Variants in SKOR1 observed in about 807,000 individuals in gnomAD.
SKOR1 encodes the protein SKI family transcriptional corepressor 1.
In SKOR1, 38 loss-of-function variants were observed where a neutral mutation model predicts 72.4. The observed-to-expected ratio is 0.52, with a 90% CI of 0.40 to 0.69. The LOEUF is 0.69. Among genes scored for constraint, SKOR1 ranks in the 30% least tolerant of loss-of-function variants. The pLI, the probability that SKOR1 is intolerant of heterozygous loss-of-function variation, is 0.00. For missense variants in SKOR1, 1,320 were observed against 1,343.2 expected, an observed-to-expected ratio of 0.98 and a Z score of 0.27; for synonymous variants, 642 against 599.4, an observed-to-expected ratio of 1.07 and a Z score of -1.04.
chr15:67,828,251 G>C, intron 2 of SKOR1, 107 bp downstream of exon 2: 1 of 1,351,048 alleles, frequency 7.4e-7, no homozygotes, highest in Non-Finnish European at 9.4e-7. Flanking sequence ...GCAGGCGTGG[G>C]AGCAGCAGGC....
chr15:67,833,913 C>A lies in SKOR1; in HGVS notation c.*77C>A. 3 of 1,479,606 alleles carry A rather than the reference C, an allele frequency of 2.0e-6. No individual in the cohort carries two copies. The highest frequency in any genetic ancestry group is 1.1e-5 in the South Asian group (1 of 88,546). The allele number at this position is 1,479,606 out of a possible 1,614,324, so 91.7% of individuals were successfully genotyped here. ...TACCCGCTGCTGCGGTGGCCCTGAG[C>A]GAGGAACAAGCCATTCGGACCCGAC... On this transcript the variant is annotated 3_prime_UTR_variant, in exon 9 of 9. Transcript: ENST00000380035. This position sits in a 1 kb window ranked among gnomAD's most constrained non-coding sequence, Gnocchi z 6.0.
intron 2 of SKOR1, 64 bp from the exon 3 acceptor site, chr15:67,829,115 C>A: frequency 7.0e-7 from 1 of 1,423,188 alleles, no homozygotes; most frequent in Non-Finnish European, 9.4e-7. Context: ...CGGGGTAGGG[C>A]TGGGCGTCTT....
In SKOR1 at chr15:67,832,185, C is replaced by T; in HGVS notation, c.2588-89C>T. 1 of 1,213,488 alleles carries T rather than the reference C, an allele frequency of 8.2e-7. No homozygotes were observed. Among genetic ancestry groups the T allele is most frequent in the African/African-American group, 1.5e-5 (1 of 67,194 alleles). The allele number at this position is 1,213,488 out of a possible 1,614,324, so 75.2% of individuals were successfully genotyped here. A position where few individuals can be genotyped will look rare whatever the true frequency, so the allele number is the denominator to read the frequency against. ...CTACTGGTCATCCTTCTCAACTCTC[C>T]TTTCAGGGTTGTTGGCCAAGGCAGA... On this transcript the variant is annotated intron_variant, in intron 5 of 8. Coordinates refer to ENST00000380035, the MANE Select transcript of SKOR1 (RefSeq NM_001365915.1). This position sits in a 1 kb window ranked among gnomAD's most constrained non-coding sequence, Gnocchi z 4.5.
Position 67,825,761 on chromosome 15 carries a change from C to T in SKOR1, c.107+52C>T. ...AAGCCCCGGGGGCTGTTGTTAACGG[C>T]GCCAACATGGGTCTGAGTAACAAAA... On this transcript the variant is annotated intron_variant, in intron 1 of 8. Coordinates refer to ENST00000380035, the MANE Select transcript of SKOR1 (RefSeq NM_001365915.1). This position sits in a 1 kb window ranked among gnomAD's most constrained non-coding sequence, Gnocchi z 5.6. 1 of 1,193,796 alleles carries T rather than the reference C, an allele frequency of 8.4e-7. No homozygotes were observed. Among genetic ancestry groups the T allele is most frequent in the Non-Finnish European group, 1.2e-6 (1 of 818,236 alleles). The allele number at this position is 1,193,796 out of a possible 1,614,324, so 74.0% of individuals were successfully genotyped here.
rs2090964217 is a variant in SKOR1 at position 67,826,947 on chromosome 15, G to C, written c.1119G>C (p.Pro373=). 2 of 1,590,084 alleles carry C rather than the reference G, an allele frequency of 1.3e-6. No individual in the cohort carries two copies. Among genetic ancestry groups the C allele is most frequent in the Non-Finnish European group, 1.7e-6 (2 of 1,176,532 alleles). Residue 373 remains proline (P), a synonymous_variant, in exon 2 of 9, where the codon CCG becomes CCC. Transcript: ENST00000380035. ...PGGGAGVRSY[P]VIPVPSKGFG... is the part of the protein sequence containing the mutation. ...GCGGCGCCGGCGTACGAAGCTACCC[G>C]GTGATCCCGGTGCCCAGCAAAGGCT...
At position 67,826,516 on chromosome 15, in the gene SKOR1, C is replaced by A. The variant is rs943520575; in HGVS notation, c.688C>A (p.Pro230Thr). 2 of 1,613,836 alleles carry A rather than the reference C, an allele frequency of 1.2e-6. No homozygotes were observed. Among genetic ancestry groups the A allele is most frequent in the Non-Finnish European group, 1.7e-6 (2 of 1,179,752 alleles). Residue 230 changes from proline to threonine, a missense_variant, in exon 2 of 9, where the codon CCC (proline) becomes ACC (threonine). Pro to Thr is a conservative substitution (Grantham distance 38). Around this residue, in one of 3 missense-constraint regions of SKOR1, gnomAD observed 101 missense variants for 212.8 expected, o/e 0.47. Coordinates refer to ENST00000380035, the MANE Select transcript of SKOR1 (RefSeq NM_001365915.1). ...GTTCATCTTCCACTCGCACCGAACA[C>A]CCGACGCCAAGTACACGCAGCCCGA... is the stretch of plus-strand genomic sequence containing the variant. ...NKFIFHSHRTPDAKYTQPDAA... is the reference protein window; with the variant it reads ...NKFIFHSHRTTDAKYTQPDAA...
chr15:67,827,095 C>T lies in SKOR1; in HGVS notation c.1267C>T (p.Pro423Ser), dbSNP rs370367071. 8 of 1,471,412 alleles carry T rather than the reference C, an allele frequency of 5.4e-6. No individual in the cohort carries two copies. Among genetic ancestry groups the T allele is most frequent in the East Asian group, 2.6e-5 (1 of 38,086 alleles). The allele number at this position is 1,471,412 out of a possible 1,614,324, so 91.1% of individuals were successfully genotyped here. Residue 423 changes from proline to serine, a missense_variant, in exon 2 of 9, where the codon CCT becomes TCT. Physicochemically the swap from Pro to Ser is moderately conservative, Grantham distance 74. This residue lies in a region of SKOR1 where 1,099 missense variants were observed against 1,025.5 expected (regional missense o/e 1.07). Coordinates refer to ENST00000380035, the MANE Select transcript of SKOR1 (RefSeq NM_001365915.1). ...AGGCGCGGGCGAGCCAAAGGGCGGT[C>T]CTGGCACTGGGAGCGGCGGCGGCGG... ...VLGAGEPKGG[P>S]GTGSGGGGAG...
Position 67,827,911 on chromosome 15 carries a change from A to G in SKOR1, c.2083A>G (p.Thr695Ala), listed in dbSNP as rs1216302404. The G allele has an allele frequency of 5.0e-6, 8 of 1,595,074 alleles. No individual in the cohort carries two copies. In the African/African-American group the frequency reaches 8.0e-5, roughly 16 times the overall value. ...GGGCGGCCCAGACGGTGAACAGCCC[A>G]CTGGACCCCCTTCCGCCACCTCCTC... ...AGGGPDGEQP[T>A]GPPSATSSGA... The change falls in exon 2 of 9, where the codon ACT (threonine) becomes GCT (alanine). Residue 695 changes from threonine (T) to alanine (A), a missense_variant. Thr to Ala is a moderately conservative substitution (Grantham distance 58, BLOSUM62 0). Coordinates refer to ENST00000380035, the MANE Select transcript of SKOR1 (RefSeq NM_001365915.1).
At position 67,832,530 on chromosome 15, in the gene SKOR1, G is replaced by A. The variant is rs535167086; in HGVS notation, c.2663-77G>A. 1.0e-4 allele frequency: 143 copies of A among 1,413,436 alleles called. No homozygotes were observed. The highest frequency in any genetic ancestry group is 4.3e-4 in the Admixed American group (25 of 58,134). The allele number at this position is 1,413,436 out of a possible 1,614,324, so 87.6% of individuals were successfully genotyped here. A position where few individuals can be genotyped will look rare whatever the true frequency, so the allele number is the denominator to read the frequency against. The stretch of plus-strand genomic sequence containing the variant: ...GTGGGAGTTGGGGGTAGGGGTGAAA[G>A]GGGGGGCCAGGAGTGAGAAAGTGGA... On this transcript the variant is annotated intron_variant, in intron 6 of 8. Transcript: ENST00000380035. The surrounding 1 kb of genome is among the most constrained non-coding windows in gnomAD (Gnocchi z 4.5).
intron 2 of SKOR1, 133 bp from the exon 3 acceptor site, chr15:67,829,046 C>G: frequency 1.3e-6 from 1 of 748,382 alleles, no homozygotes; most frequent in Non-Finnish European, 2.1e-6. Context: ...TCACTGTGCC[C>G]GCTCAAGTCC....
At position 67,827,409 on chromosome 15, in the gene SKOR1, T is replaced by C. The variant is rs1176565801; in HGVS notation, c.1581T>C (p.Ala527=). The C allele has an allele frequency of 3.9e-6, 6 of 1,527,250 alleles. No homozygotes were observed. Among genetic ancestry groups the C allele is most frequent in the Non-Finnish European group, 5.2e-6 (6 of 1,144,470 alleles). 94.6% of individuals were successfully genotyped at this position (1,527,250 alleles called of 1,614,324 possible). ...CGGCAGCGGCGGCGGCAGCGGCAGC[T>C]GCTGGCAGCGGTGCCCCAGAGCCCC... ...VAAAAAAAAA[A]AGSGAPEPLD... Residue 527 remains alanine (A), a synonymous_variant, in exon 2 of 9, where the codon GCT becomes GCC. Transcript: ENST00000380035.
rs984129917 is a variant in SKOR1 at position 67,827,573 on chromosome 15, C to T, written c.1745C>T (p.Pro582Leu). ...CCCCTGGCCCCGTTGCCCCCGCCGCCCCCGCCGCCCGCACGCAAAGGCTCC... is the reference window on the plus strand; with the variant it reads ...CCCCTGGCCCCGTTGCCCCCGCCGCTCCCGCCGCCCGCACGCAAAGGCTCC... ...PPPLAPLPPP[P>L]PPPARKGSYV... Residue 582 changes from proline to leucine, a missense_variant, in exon 2 of 9, where the codon CCC (proline) becomes CTC (leucine). This residue lies in a region of SKOR1 where 1,099 missense variants were observed against 1,025.5 expected (regional missense o/e 1.07). Transcript: ENST00000380035. 1.3e-6 allele frequency: 2 copies of T among 1,520,700 alleles called. No homozygotes were observed. The highest frequency in any genetic ancestry group is 1.4e-5 in the African/African-American group (1 of 71,170). The allele number at this position is 1,520,700 out of a possible 1,614,324, so 94.2% of individuals were successfully genotyped here. A position where few individuals can be genotyped will look rare whatever the true frequency, so the allele number is the denominator to read the frequency against.
chr15:67,829,917 T>G (rs2090995550), intron 3 of SKOR1, among the ~76,000 whole-genome samples: 1 of 152,180 alleles, frequency 6.6e-6, no homozygotes, highest in African/African-American at 2.4e-5. Flanking sequence ...GCGCGCGATG[T>G]AGGTCGCTCG....
At chr15:67,828,907 C>T (rs1339028712) in intron 2 of SKOR1, among the ~76,000 whole-genome samples, 1 of 152,214 alleles carries the variant, frequency 6.6e-6, no homozygotes, top group Non-Finnish European at 1.5e-5. Context: ...TAAAAGGAGG[C>T]GGGTGCAGAG....
At chr15:67,828,406 A>G (rs1294278444) in intron 2 of SKOR1, among the ~76,000 whole-genome samples, 1 of 152,102 alleles carries the variant, frequency 6.6e-6, no homozygotes, top group Non-Finnish European at 1.5e-5. Flanking sequence ...GTTGATGGGA[A>G]TGGGGAGGAG....
At position 67,827,191 on chromosome 15, in the gene SKOR1, G is replaced by A; in HGVS notation, c.1363G>A (p.Gly455Ser). 1.4e-6 allele frequency: 2 copies of A among 1,416,528 alleles called. No individual in the cohort carries two copies. Among genetic ancestry groups the A allele is most frequent in the Non-Finnish European group, 1.8e-6 (2 of 1,091,668 alleles). The allele number at this position is 1,416,528 out of a possible 1,614,324, so 87.7% of individuals were successfully genotyped here. A position where few individuals can be genotyped will look rare whatever the true frequency, so the allele number is the denominator to read the frequency against. The change falls in exon 2 of 9, where the codon GGC becomes AGC. Residue 455 changes from glycine (G) to serine (S), a missense_variant. This residue lies in a region of SKOR1 where 1,099 missense variants were observed against 1,025.5 expected (regional missense o/e 1.07). Coordinates refer to ENST00000380035, the MANE Select transcript of SKOR1 (RefSeq NM_001365915.1). ...GCCCCCGGGGGCAGGGGCGGGCCCGGGCGGCGGCGCCATGTTCTGGGGGCA... is the reference window on the plus strand; with the variant it reads ...GCCCCCGGGGGCAGGGGCGGGCCCGAGCGGCGGCGCCATGTTCTGGGGGCA... Reference protein sequence around the residue: ...HLPPGAGAGPGGGAMFWGHQP... With the variant: ...HLPPGAGAGPSGGAMFWGHQP...
chr15:67,833,754 C>A lies in SKOR1; in HGVS notation c.2816C>A (p.Ala939Asp). The change falls in exon 9 of 9, where the codon GCC becomes GAC. Residue 939 changes from alanine (A) to aspartate (D), a missense_variant. Coordinates refer to ENST00000380035, the MANE Select transcript of SKOR1 (RefSeq NM_001365915.1). The surrounding 1 kb of genome is among the most constrained non-coding windows in gnomAD (Gnocchi z 6.0). ...ACTGTCTCCCCAGAAGCCCACGACG[C>A]CCTGCACCATTTCTCCTGCAAGATG... ...IQQKLKEAHD[A>D]LHHFSCKMLT... 6.2e-7 allele frequency: 1 copy of A among 1,613,708 alleles called. No homozygotes were observed. Among genetic ancestry groups the A allele is most frequent in the Admixed American group, 1.7e-5 (1 of 60,032 alleles).
chr15:67,827,645 C>A lies in SKOR1; in HGVS notation c.1817C>A (p.Ala606Asp). 1 of 1,532,662 alleles carries A rather than the reference C, an allele frequency of 6.5e-7. No homozygotes were observed. 94.9% of individuals were successfully genotyped at this position (1,532,662 alleles called of 1,614,324 possible). The change falls in exon 2 of 9, where the codon GCT becomes GAT. Residue 606 changes from alanine (A) to aspartate (D), a missense_variant. Around this residue, in one of 3 missense-constraint regions of SKOR1, gnomAD observed 1,099 missense variants for 1,025.5 expected, o/e 1.07. Coordinates refer to ENST00000380035, the MANE Select transcript of SKOR1 (RefSeq NM_001365915.1). ...GTGGTCAAGGACACCGAGAGCATCG[C>A]TAAGCTCTACGGGAGCGCCCGGGAG... ...RPVVKDTESI[A>D]KLYGSAREAY... is the part of the protein sequence containing the mutation.
chr15:67,832,185 C>A lies in SKOR1; in HGVS notation c.2588-89C>A. 1 of 1,213,488 alleles carries A rather than the reference C, an allele frequency of 8.2e-7. No individual in the cohort carries two copies. The highest frequency in any genetic ancestry group is 1.2e-6 in the Non-Finnish European group (1 of 825,516). 75.2% of individuals were successfully genotyped at this position (1,213,488 alleles called of 1,614,324 possible). The stretch of plus-strand genomic sequence containing the variant: ...CTACTGGTCATCCTTCTCAACTCTC[C>A]TTTCAGGGTTGTTGGCCAAGGCAGA... On this transcript the variant is annotated intron_variant, in intron 5 of 8. Transcript: ENST00000380035. The surrounding 1 kb of genome is among the most constrained non-coding windows in gnomAD (Gnocchi z 4.5).
Sources: gnomAD v4.1 joint callset for allele counts (sites outside exome capture counted in the v4.1 genomes callset) on GRCh38, gnomAD v4.1.1 for gene constraint, gnomAD v4.1.1 regional missense constraint, Gnocchi (gnomAD v3.1) non-coding constraint, MANE v1.5 for transcripts, NCBI Gene and HGNC (gene_info 2026-07-23, HGNC 2026-07-21) for gene names.